The following MALRD1 variants were observed in gnomAD, a reference collection of about 807,000 sequenced individuals.
MALRD1 encodes the protein MAM and LDL-receptor class A domain-containing protein 1.
A neutral mutation model predicts 242.1 loss-of-function variants in MALRD1; 247 were observed. The ratio of observed to expected loss-of-function variants is 1.02; its 90% CI spans 0.92 to 1.13. The LOEUF (loss-of-function observed/expected upper bound fraction) is 1.13, where lower values mean the gene tolerates loss of function less well. MALRD1 is among the 50% of genes most tolerant of loss of function. The pLI is 0.00. For synonymous variants in MALRD1, 995 were observed against 866.6 expected (o/e 1.15, Z -2.60); for missense variants, 2,989 against 2,533.1 (o/e 1.18, Z -3.86).
intron 14 of MALRD1, among the ~76,000 whole-genome samples, chr10:19,176,603 T>C (rs1196192229): frequency 2.0e-5 from 3 of 150,878 alleles, no homozygotes; most frequent in Non-Finnish European, 4.4e-5. Flanking sequence ...CTCGATCTCC[T>C]GACCTCATGA....
At chr10:19,133,820 C>T (rs7922413) in intron 8 of MALRD1, 36 bp from the exon 9 acceptor site, 100,554 of 941,486 alleles carry the variant, frequency 0.11, 5,970 homozygotes, top group African/African-American at 0.23. Flanking sequence ...GATTAGAATA[C>T]GGGTAATGAG....
At chr10:19,251,945 A>T (rs10827156) in intron 18 of MALRD1, among the ~76,000 whole-genome samples, 1 of 151,936 alleles carries the variant, frequency 6.6e-6, no homozygotes, top group East Asian at 1.9e-4. Context: ...TACTCCAGCC[A>T]TGTAGGAAAT....
intron 32 of MALRD1, among the ~76,000 whole-genome samples, chr10:19,547,452 A>G (rs1401161385): frequency 2.0e-5 from 3 of 151,988 alleles, no homozygotes; most frequent in East Asian, 1.9e-4. Flanking sequence ...CTTATTTGCA[A>G]GGACCTTAGC....
intron 36 of MALRD1, among the ~76,000 whole-genome samples, chr10:19,630,758 A>G (rs2131646024): frequency 6.6e-6 from 1 of 152,288 alleles, no homozygotes; most frequent in South Asian, 2.1e-4. Context: ...TATTTTATAG[A>G]TATAAATATG....
intron 36 of MALRD1, among the ~76,000 whole-genome samples, chr10:19,643,660 C>T (rs1840509113): frequency 6.6e-6 from 1 of 152,130 alleles, no homozygotes; most frequent in Non-Finnish European, 1.5e-5. Context: ...AGTGTAGACA[C>T]CAGTATGTTT....
chr10:19,293,397 C>T (rs7070095), intron 21 of MALRD1, among the ~76,000 whole-genome samples: 27,720 of 152,176 alleles, frequency 0.18, 2,687 homozygotes, highest in African/African-American at 0.26. Context: ...ATATAAAGCA[C>T]AATTATCCCT....
At chr10:19,669,436 C>T (rs530212269) in intron 36 of MALRD1, among the ~76,000 whole-genome samples, 1 of 152,220 alleles carries the variant, frequency 6.6e-6, no homozygotes, top group South Asian at 2.1e-4. Context: ...CGAGAGAAAG[C>T]CTACAGGTTG....
At chr10:19,171,425 TATAC>T (rs3044084) in intron 13 of MALRD1, among the ~76,000 whole-genome samples, 9,286 of 91,092 alleles carry the variant, frequency 0.1, 654 homozygotes, top group South Asian at 0.29. Context: ...TTATATTTTA[TATAC>T]ATATATATAT....
At chr10:19,391,000 T>A (rs1564299094) in intron 28 of MALRD1, among the ~76,000 whole-genome samples, 2 of 152,310 alleles carry the variant, frequency 1.3e-5, no homozygotes, top group Non-Finnish European at 2.9e-5. Flanking sequence ...GTGCACCATG[T>A]TAGAGATTTT....
At chr10:19,564,511 G>A (rs1836168294) in intron 32 of MALRD1, among the ~76,000 whole-genome samples, 1 of 151,850 alleles carries the variant, frequency 6.6e-6, no homozygotes, top group Non-Finnish European at 1.5e-5. Context: ...TATGACAAAA[G>A]TTATGCTAAA....
intron 26 of MALRD1, among the ~76,000 whole-genome samples, chr10:19,373,284 C>T (rs1422600077): frequency 1.4e-5 from 2 of 147,452 alleles, no homozygotes; most frequent in South Asian, 2.1e-4. Context: ...GGACGGATCA[C>T]GAGGTCAGGA....
rs1403613899 is a variant in MALRD1 at position 19,352,217 on chromosome 10, T to C, written c.4361T>C (p.Leu1454Pro). 19 of 1,550,314 alleles carry C rather than the reference T, an allele frequency of 1.2e-5. No individual in the cohort carries two copies. In the East Asian group the frequency reaches 4.6e-4, roughly 38 times the overall value. The change falls in exon 26 of 40, where the codon CTT (leucine) becomes CCT (proline). Residue 1454 changes from leucine to proline, a missense_variant. Coordinates refer to ENST00000454679, the MANE Select transcript of MALRD1 (RefSeq NM_001142308.3). ...VGKGQRGDIA[L>P]DDIVLTENCL... is the part of the protein sequence containing the mutation. ...AAAGGTCAGCGTGGAGACATTGCAC[T>C]TGATGACATTGTGCTTACAGAAAAT...
intron 29 of MALRD1, among the ~76,000 whole-genome samples, chr10:19,455,540 A>T (rs1052431457): frequency 6.6e-6 from 1 of 152,192 alleles, no homozygotes; most frequent in African/African-American, 2.4e-5. Flanking sequence ...AAATAGTAGT[A>T]ATAATGCTTC....
chr10:19,048,076 A>G (rs923219433), upstream of MALRD1, among the ~76,000 whole-genome samples: 2 of 152,308 alleles, frequency 1.3e-5, no homozygotes, highest in Non-Finnish European at 2.9e-5. Context: ...GTTCATTCTG[A>G]ATATGCATCC....
intron 13 of MALRD1, among the ~76,000 whole-genome samples, chr10:19,171,913 GATATATACATATATGTGA>G (rs776433657): frequency 0.045 from 5,726 of 126,012 alleles, 247 homozygotes; most frequent in Non-Finnish European, 0.069. Context: ...CATAATATAT[GATATATACATATATGTGA>G]TATATATATC....
At chr10:19,339,398 C>G (rs913618613) in intron 24 of MALRD1, among the ~76,000 whole-genome samples, 81 of 152,206 alleles carry the variant, frequency 5.3e-4, no homozygotes, top group African/African-American at 1.9e-3. Flanking sequence ...ACGTTTTCAA[C>G]ATTTTGCCCA....
intron 29 of MALRD1, among the ~76,000 whole-genome samples, chr10:19,463,838 G>A (rs1836074414): frequency 6.6e-6 from 1 of 152,128 alleles, no homozygotes; most frequent in Admixed American, 6.5e-5. Flanking sequence ...CACCAGCAGT[G>A]TAAAAGTGTT....
At chr10:19,098,221 C>G (rs1053508627) in intron 4 of MALRD1, among the ~76,000 whole-genome samples, 1 of 152,166 alleles carries the variant, frequency 6.6e-6, no homozygotes, top group African/African-American at 2.4e-5. Flanking sequence ...AAGTATATCA[C>G]TGACTATAAT....
At chr10:19,633,536 AG>A (rs1247571561) in intron 36 of MALRD1, 2 of 152,144 alleles carry the variant, frequency 1.3e-5, no homozygotes, top group African/African-American at 4.8e-5. Context: ...CAAATCCTAC[AG>A]ACAGAATATC....
Sources: allele counts gnomAD v4.1 joint callset (sites outside exome capture counted in the v4.1 genomes callset), GRCh38; gene constraint gnomAD v4.1.1; transcripts MANE v1.5; gene names NCBI Gene and HGNC (gene_info 2026-07-23, HGNC 2026-07-21).